EPB41: variants seen among roughly 807,000 people sequenced by gnomAD.
The protein encoded by EPB41 is erythrocyte membrane protein band 4.1, also known as protein 4.1.
Under a neutral mutation model 108.0 loss-of-function variants are expected in EPB41, and 65 were observed. That is an observed-to-expected ratio of 0.60 (90% confidence interval 0.49 to 0.74). EPB41 has a LOEUF of 0.74. Ranked by LOEUF, EPB41 falls within the 30% of genes least tolerant of loss-of-function variation. EPB41 has a pLI of 0.00. For missense variants in EPB41, 875 were observed against 1,037.0 expected, an observed-to-expected ratio of 0.84 and a Z score of 2.15; for synonymous variants, 336 against 358.9, an observed-to-expected ratio of 0.94 and a Z score of 0.72.
At chr1:29,017,846 G>A (rs1232598612) in intron 6 of EPB41, among the ~76,000 whole-genome samples, 3 of 152,092 alleles carry the variant, frequency 2.0e-5, no homozygotes, top group Non-Finnish European at 4.4e-5. Flanking sequence ...TTATGTGTGT[G>A]TGTGAAGATT....
chr1:28,921,350 G>A (rs929057695), intron 1 of EPB41, among the ~76,000 whole-genome samples: 1 of 152,118 alleles, frequency 6.6e-6, no homozygotes, highest in Non-Finnish European at 1.5e-5. Flanking sequence ...AGTTCTATAT[G>A]TATTCAAGTG....
intron 1 of EPB41, among the ~76,000 whole-genome samples, chr1:28,979,189 G>C (rs2095675577): frequency 6.6e-6 from 1 of 151,566 alleles, no homozygotes; most frequent in Non-Finnish European, 1.5e-5. Flanking sequence ...ACTTAGTGGT[G>C]AAAGATAAAA....
intron 15 of EPB41, among the ~76,000 whole-genome samples, chr1:29,062,985 A>G (rs569032340): frequency 6.6e-6 from 1 of 152,326 alleles, no homozygotes; most frequent in East Asian, 1.9e-4. Flanking sequence ...AGCAAATTAC[A>G]AGTCTCTTAC....
chr1:29,079,866 G>A lies in EPB41; in HGVS notation c.2184+14708G>A, dbSNP rs182772422. Among the ~76,000 whole-genome samples the A allele has an allele frequency of 2.9e-3, 442 of 151,876 alleles. 3 individuals are homozygous for A. Among genetic ancestry groups the A allele is most frequent in the African/African-American group, 0.01 (424 of 41,490 alleles). ...CAAAAAATTAGCCAGGCATGATTGC[G>A]CGGGCCTGTAGTTCCAGCTACTCGG... On this transcript the variant is annotated intron_variant, in intron 16 of 20. Coordinates refer to ENST00000343067, the MANE Select transcript of EPB41 (RefSeq NM_001376013.1).
At chr1:28,970,437 A>G (rs375649827) in intron 1 of EPB41, among the ~76,000 whole-genome samples, 2 of 152,230 alleles carry the variant, frequency 1.3e-5, no homozygotes, top group Non-Finnish European at 2.9e-5. Flanking sequence ...GAGAGTAAGG[A>G]AAGTTCCATA....
intron 9 of EPB41, among the ~76,000 whole-genome samples, chr1:29,034,973 GTTTTTTTTTTTTTT>G (rs10580931): frequency 1.0e-4 from 9 of 87,194 alleles, no homozygotes; most frequent in South Asian, 5.2e-4. Flanking sequence ...TTTGTTTGTT[GTTTTTTTTTTTTTT>G]TTTTTTTTTT....
intron 16 of EPB41, among the ~76,000 whole-genome samples, chr1:29,084,288 A>G (rs1657915836): frequency 6.6e-6 from 1 of 152,258 alleles, no homozygotes; most frequent in Non-Finnish European, 1.5e-5. Context: ...AGAAACACTA[A>G]TAAAAGTTTT....
chr1:29,017,552 G>A (rs1261390250), intron 6 of EPB41, among the ~76,000 whole-genome samples: 1 of 152,142 alleles, frequency 6.6e-6, no homozygotes, highest in Non-Finnish European at 1.5e-5. Flanking sequence ...ACACAGATGG[G>A]ATTAGTCTTA....
intron 16 of EPB41, chr1:29,073,026 G>T (rs772469621): frequency 1.4e-5 from 2 of 147,784 alleles, no homozygotes; most frequent in Non-Finnish European, 2.9e-5. Context: ...CAGGAGAATC[G>T]CTTGAACCCG....
chr1:28,987,705 C>T lies in EPB41; in HGVS notation c.268C>T (p.Pro90Ser). 6.2e-7 allele frequency: 1 copy of T among 1,614,116 alleles called. No individual in the cohort carries two copies. The highest frequency in any genetic ancestry group is 1.1e-5 in the South Asian group (1 of 91,080). The change falls in exon 2 of 21, where the codon CCC becomes TCC. Residue 90 changes from proline (P) to serine (S), a missense_variant. This residue lies in a region of EPB41 where 353 missense variants were observed against 393.2 expected (regional missense o/e 0.90). Transcript: ENST00000343067. Reference sequence around the variant, plus strand: ...ACTATTCTCCTCGTTTCTCAAAAGGCCCAAATCTCAGGTGTCCGAGGAAGA... The same window carrying T: ...ACTATTCTCCTCGTTTCTCAAAAGGTCCAAATCTCAGGTGTCCGAGGAAGA... ...SRLFSSFLKR[P>S]KSQVSEEEGK...
intron 7 of EPB41, among the ~76,000 whole-genome samples, chr1:29,021,361 T>TGA (rs1228370599): frequency 1.3e-5 from 2 of 152,236 alleles, no homozygotes; most frequent in Non-Finnish European, 2.9e-5. Flanking sequence ...AGCATGCACT[T>TGA]GCAGCTGGAA....
At chr1:29,019,426 A>G (rs901812431) in intron 7 of EPB41, among the ~76,000 whole-genome samples, 1 of 152,256 alleles carries the variant, frequency 6.6e-6, no homozygotes, top group Admixed American at 6.5e-5. Context: ...TAAAAAATTC[A>G]GTAAATATTA....
intron 1 of EPB41, among the ~76,000 whole-genome samples, chr1:28,945,966 T>A (rs1252654769): frequency 6.6e-6 from 1 of 152,158 alleles, no homozygotes; most frequent in African/African-American, 2.4e-5. Context: ...CCAACTGTGA[T>A]AGGAAAGTAG....
At chr1:29,026,756 A>G (rs979816418) in intron 7 of EPB41, among the ~76,000 whole-genome samples, 1 of 152,108 alleles carries the variant, frequency 6.6e-6, no homozygotes, top group African/African-American at 2.4e-5. Context: ...GCAGTGAACC[A>G]TGATGGTGCC....
In EPB41 at chr1:29,115,632, T is replaced by C. The variant is rs994440888; in HGVS notation, c.2497-67T>C. The C allele has an allele frequency of 1.9e-5, 25 of 1,324,358 alleles. No homozygotes were observed. Among genetic ancestry groups the C allele is most frequent in the Non-Finnish European group, 2.4e-5 (22 of 922,758 alleles). 82.0% of individuals were successfully genotyped at this position (1,324,358 alleles called of 1,614,324 possible). On this transcript the variant is annotated intron_variant, in intron 19 of 20. Transcript: ENST00000343067. This position sits in a 1 kb window ranked among gnomAD's most constrained non-coding sequence, Gnocchi z 4.4. ...ATCTGTCAGAACATCAGAGAAATGA[T>C]GACCACTGCCTTCCTTCGCCATCAG...
At chr1:28,905,913 G>T (rs2091786871) in intron 1 of EPB41, among the ~76,000 whole-genome samples, 1 of 151,202 alleles carries the variant, frequency 6.6e-6, no homozygotes, top group South Asian at 2.1e-4. Context: ...TGCCTCCCAG[G>T]TTCAAGTGAT....
At chr1:29,010,153 A>G (rs1320763714) in intron 4 of EPB41, among the ~76,000 whole-genome samples, 3 of 152,140 alleles carry the variant, frequency 2.0e-5, no homozygotes, top group African/African-American at 4.8e-5. Context: ...CCTGGCCAAC[A>G]TGGTGAAACC....
chr1:28,911,149 C>G, upstream of EPB41: 1 of 985,384 alleles, frequency 1.0e-6, no homozygotes, highest in Non-Finnish European at 1.2e-6. Flanking sequence ...TACTTATACC[C>G]CCACATCTTC....
chr1:29,099,594 C>T (rs1043552260), intron 17 of EPB41, among the ~76,000 whole-genome samples: 3 of 152,130 alleles, frequency 2.0e-5, no homozygotes, highest in Non-Finnish European at 2.9e-5. Flanking sequence ...TGCCACTATG[C>T]CCTGCTAAAA....
Sources: gnomAD v4.1 joint callset for allele counts (sites outside exome capture counted in the v4.1 genomes callset) on GRCh38, gnomAD v4.1.1 for gene constraint, gnomAD v4.1.1 regional missense constraint, Gnocchi (gnomAD v3.1) non-coding constraint, MANE v1.5 for transcripts, NCBI Gene and HGNC (gene_info 2026-07-23, HGNC 2026-07-21) for gene names.